ZNF317: variants seen among roughly 807,000 people sequenced by gnomAD.
The protein encoded by ZNF317 is zinc finger protein 317.
In ZNF317, 17 loss-of-function variants were observed where a neutral mutation model predicts 23.4. The ratio of observed to expected loss-of-function variants is 0.73; its 90% confidence interval spans 0.50 to 1.09. The LOEUF is 1.09. Among genes scored for constraint, ZNF317 ranks in the 50% least tolerant of loss-of-function variants. The pLI, the probability that ZNF317 is intolerant of heterozygous loss-of-function variation, is 0.00. For synonymous variants in ZNF317, 317 were observed against 314.9 expected (o/e 1.01, Z -0.07); for missense variants, 679 against 796.7 (o/e 0.85, Z 1.78).
At chr19:9,141,129 T>A (rs2050625967) in intron 1 of ZNF317, among the ~76,000 whole-genome samples, 1 of 152,238 alleles carries the variant, frequency 6.6e-6, no homozygotes, top group Non-Finnish European at 1.5e-5. Context: ...CAACATTTTG[T>A]TAATTAACTT....
intron 1 of ZNF317, among the ~76,000 whole-genome samples, chr19:9,152,203 G>A (rs1293791548): frequency 6.6e-6 from 1 of 151,796 alleles, no homozygotes; most frequent in East Asian, 1.9e-4. Context: ...ACCGTGCCCA[G>A]CTGGTCCTGG....
At chr19:9,153,858 G>A (rs552953705) in intron 1 of ZNF317, among the ~76,000 whole-genome samples, 3 of 152,208 alleles carry the variant, frequency 2.0e-5, no homozygotes, top group Non-Finnish European at 4.4e-5. Flanking sequence ...GGATGGGGAT[G>A]ATGGTAGTGG....
chr19:9,155,372 A>G (rs1454603133), intron 1 of ZNF317, among the ~76,000 whole-genome samples: 1 of 152,166 alleles, frequency 6.6e-6, no homozygotes, highest in Non-Finnish European at 1.5e-5. Flanking sequence ...GTGGCCGCGA[A>G]TCTCTAAAGT....
chr19:9,147,903 T>C (rs971697485), intron 1 of ZNF317, among the ~76,000 whole-genome samples: 1 of 152,036 alleles, frequency 6.6e-6, no homozygotes, highest in Non-Finnish European at 1.5e-5. Flanking sequence ...TGGGGGGCGA[T>C]TGGATCAGGG....
chr19:9,154,445 C>T (rs750179406), intron 1 of ZNF317, among the ~76,000 whole-genome samples: 31 of 151,638 alleles, frequency 2.0e-4, no homozygotes, highest in Non-Finnish European at 3.7e-4. Flanking sequence ...AACTTAATTA[C>T]GTTTTGCCTA....
At chr19:9,144,800 C>T (rs1164329494) in intron 1 of ZNF317, among the ~76,000 whole-genome samples, 1 of 151,980 alleles carries the variant, frequency 6.6e-6, no homozygotes, top group Admixed American at 6.6e-5. Context: ...GTAATTCTTC[C>T]ACTGTTTGCT....
Position 9,161,264 on chromosome 19 carries a change from G to T in ZNF317, c.1619G>T (p.Ser540Ile). ...YECDHCGKAF[S>I]IGSNLNVHRR... The stretch of plus-strand genomic sequence containing the variant: ...TGCGATCACTGTGGGAAGGCCTTCA[G>T]CATAGGCTCCAACCTGAATGTGCAC... The change falls in exon 7 of 7, where the codon AGC becomes ATC. Residue 540 changes from serine (S) to isoleucine (I), a missense_variant. Physicochemically the swap from Ser to Ile is moderately radical, Grantham distance 142. Transcript: ENST00000247956. This position sits in a 1 kb window ranked among gnomAD's most constrained non-coding sequence, Gnocchi z 4.0. 3 of 1,613,864 alleles carry T rather than the reference G, an allele frequency of 1.9e-6. No homozygotes were observed. The highest frequency in any genetic ancestry group is 2.5e-6 in the Non-Finnish European group (3 of 1,179,802).
chr19:9,158,794 C>T, intron 5 of ZNF317, 32 bp from the exon 6 acceptor site: 1 of 1,436,098 alleles, frequency 7.0e-7, no homozygotes, highest in Non-Finnish European at 9.8e-7. Flanking sequence ...TTTTCCTTTT[C>T]CAACAATTAA....
In ZNF317 at chr19:9,160,214, G is replaced by A. The variant is rs1272684497; in HGVS notation, c.569G>A (p.Gly190Asp). 2 of 1,614,004 alleles carry A rather than the reference G, an allele frequency of 1.2e-6. No individual in the cohort carries two copies. The highest frequency in any genetic ancestry group is 1.7e-6 in the Non-Finnish European group (2 of 1,180,034). The change falls in exon 7 of 7, where the codon GGC (glycine) becomes GAC (aspartate). Residue 190 changes from glycine (G) to aspartate (D), a missense_variant. Physicochemically the swap from Gly to Asp is moderately conservative, Grantham distance 94 (BLOSUM62 -1). Transcript: ENST00000247956. This position sits in a 1 kb window ranked among gnomAD's most constrained non-coding sequence, Gnocchi z 6.8. The stretch of plus-strand genomic sequence containing the variant: ...ACTCAGCCAATGGGAAGGCACGCTG[G>A]CAAGAGGCCCTATCACCGCCGCGAC... Reference protein sequence around the residue: ...HLTQPMGRHAGKRPYHRRDYG... With the variant: ...HLTQPMGRHADKRPYHRRDYG...
At chr19:9,159,530 T>G (rs776778187) in intron 6 of ZNF317, among the ~76,000 whole-genome samples, 1 of 147,998 alleles carries the variant, frequency 6.8e-6, no homozygotes, top group Admixed American at 6.8e-5. Flanking sequence ...TTTGTTTGTT[T>G]TTGTTGTTGT....
At position 9,160,010 on chromosome 19, in the gene ZNF317, G is replaced by T; in HGVS notation, c.469-104G>T. On this transcript the variant is annotated intron_variant, in intron 6 of 6. Transcript: ENST00000247956. This position sits in a 1 kb window ranked among gnomAD's most constrained non-coding sequence, Gnocchi z 6.8. ...GCAGATGGTTACAGCTCTAGTCATA[G>T]TAATGTGCTTCTATCTGTTCATAGC... 1 of 1,512,972 alleles carries T rather than the reference G, an allele frequency of 6.6e-7. No individual in the cohort carries two copies. The highest frequency in any genetic ancestry group is 9.0e-7 in the Non-Finnish European group (1 of 1,111,868). The allele number at this position is 1,512,972 out of a possible 1,614,324, so 93.7% of individuals were successfully genotyped here.
chr19:9,148,794 G>T (rs539734278), intron 1 of ZNF317, among the ~76,000 whole-genome samples: 2 of 152,326 alleles, frequency 1.3e-5, no homozygotes, highest in South Asian at 4.1e-4. Context: ...ACAGCAGAGA[G>T]ATAATAATGC....
At chr19:9,140,635 G>A (rs2145934124) in intron 1 of ZNF317, 43 bp downstream of exon 1, 1 of 453,004 alleles carries the variant, frequency 2.2e-6, no homozygotes, top group African/African-American at 2.0e-5. Flanking sequence ...TCAGTTCCAG[G>A]GGTCACGGGA....
chr19:9,143,506 A>G (rs1173580576), intron 1 of ZNF317, among the ~76,000 whole-genome samples: 1 of 152,016 alleles, frequency 6.6e-6, no homozygotes, highest in Non-Finnish European at 1.5e-5. Flanking sequence ...TTTGGCATGC[A>G]GATTTAGAAT....
At chr19:9,159,227 T>G (rs543540700) in intron 6 of ZNF317, among the ~76,000 whole-genome samples, 46 of 152,330 alleles carry the variant, frequency 3.0e-4, no homozygotes, top group African/African-American at 1.1e-3. Flanking sequence ...GTTTATTTTT[T>G]GGGGGGCAGA....
In ZNF317 at chr19:9,158,859, T is replaced by A; in HGVS notation, c.419T>A (p.Leu140His). 1 of 1,613,200 alleles carries A rather than the reference T, an allele frequency of 6.2e-7. No homozygotes were observed. The highest frequency in any genetic ancestry group is 8.5e-7 in the Non-Finnish European group (1 of 1,179,110). The change falls in exon 6 of 7, where the codon CTT becomes CAT. Residue 140 changes from leucine to histidine, a missense_variant. Transcript: ENST00000247956. ...ACTCCATCTAAAACCAAGTGGTCAC[T>A]TCTTATGGAAGATATTTTTGGGAAG... ...WETPSKTKWS[L>H]LMEDIFGKET...
intron 1 of ZNF317, among the ~76,000 whole-genome samples, chr19:9,151,873 G>T (rs1311554996): frequency 1.3e-5 from 2 of 150,410 alleles, no homozygotes; most frequent in Admixed American, 6.6e-5. Flanking sequence ...TAAATGTTTG[G>T]TAGGGTTCAC....
At chr19:9,157,628 C>T (rs1357772587) in intron 4 of ZNF317, 2 of 606,558 alleles carry the variant, frequency 3.3e-6, no homozygotes, top group East Asian at 6.8e-5. Flanking sequence ...ATACGAAATC[C>T]CCATTCTTTT....
At chr19:9,140,940 T>A (rs964782668) in intron 1 of ZNF317, among the ~76,000 whole-genome samples, 1 of 152,186 alleles carries the variant, frequency 6.6e-6, no homozygotes, top group African/African-American at 2.4e-5. Flanking sequence ...AGAAATCACC[T>A]TCTTTCTGCG....
Sources: allele counts gnomAD v4.1 joint callset (sites outside exome capture counted in the v4.1 genomes callset), GRCh38; gene constraint gnomAD v4.1.1; non-coding constraint Gnocchi (gnomAD v3.1); transcripts MANE v1.5; gene names NCBI Gene and HGNC (gene_info 2026-07-23, HGNC 2026-07-21).